RNGTT: variants seen among roughly 807,000 people sequenced by gnomAD.
RNGTT encodes mRNA-capping enzyme.
RNGTT carries 33 observed loss-of-function variants against 79.3 expected under a neutral mutation model. The observed-to-expected ratio is 0.42, with a 90% confidence interval of 0.32 to 0.56. The LOEUF (loss-of-function observed/expected upper bound fraction) is 0.56, where lower values mean the gene tolerates loss of function less well. Among genes scored for constraint, RNGTT ranks in the 20% least tolerant of loss-of-function variants. The pLI, the probability that RNGTT is intolerant of heterozygous loss-of-function variation, is 0.17. For synonymous variants in RNGTT, 222 were observed against 235.9 expected (o/e 0.94, Z 0.54); for missense variants, 497 against 739.1 (o/e 0.67, Z 3.80).
At position 88,656,780 on chromosome 6, in the gene RNGTT, A is replaced by T. The variant is rs1389213568; in HGVS notation, c.1506+21573T>A. ...GACTTACTGAAGATGTTAAGAGATTAAAAAAAAAAAAAAAGTAAGTTGAGG... is the reference window on the plus strand; with the variant it reads ...GACTTACTGAAGATGTTAAGAGATTTAAAAAAAAAAAAAAGTAAGTTGAGG... On this transcript the variant is annotated intron_variant, in intron 14 of 15. Transcript: ENST00000369485. Among the ~76,000 whole-genome samples the T allele has an allele frequency of 6.9e-5, 9 of 130,210 alleles. No individual in the cohort carries two copies. In the East Asian group the frequency reaches 1.8e-3, roughly 26 times the overall value. The allele number at this position is 130,210 out of a possible 152,430, so 85.4% of individuals were successfully genotyped here.
chr6:88,645,549 A>G (rs1306598128), intron 14 of RNGTT, among the ~76,000 whole-genome samples: 1 of 152,254 alleles, frequency 6.6e-6, no homozygotes, highest in Non-Finnish European at 1.5e-5. Context: ...TTGTCAAGAC[A>G]ATCCTCAGCC....
At chr6:88,621,680 T>C (rs978099087) in intron 14 of RNGTT, among the ~76,000 whole-genome samples, 1 of 151,982 alleles carries the variant, frequency 6.6e-6, no homozygotes, top group Non-Finnish European at 1.5e-5. Context: ...AAATAAAAAG[T>C]ATGCGAGGCC....
intron 13 of RNGTT, among the ~76,000 whole-genome samples, chr6:88,711,008 T>C (rs1379600308): frequency 4.6e-5 from 7 of 152,196 alleles, no homozygotes; most frequent in Non-Finnish European, 1.0e-4. Context: ...GTTTCCTTCA[T>C]TTCTAATTTC....
intron 13 of RNGTT, among the ~76,000 whole-genome samples, chr6:88,687,505 A>G (rs1410110821): frequency 6.6e-6 from 1 of 152,226 alleles, no homozygotes; most frequent in Non-Finnish European, 1.5e-5. Context: ...TTGCAGTTGC[A>G]AAATGTTAAG....
chr6:88,705,622 C>G (rs555429541), intron 13 of RNGTT, among the ~76,000 whole-genome samples: 2 of 152,186 alleles, frequency 1.3e-5, no homozygotes, highest in Admixed American at 6.5e-5. Flanking sequence ...GAAAAAGAAA[C>G]CAGAGGTATT....
intron 12 of RNGTT, among the ~76,000 whole-genome samples, chr6:88,785,000 T>C (rs1362570257): frequency 6.6e-6 from 1 of 152,106 alleles, no homozygotes; most frequent in African/African-American, 2.4e-5. Context: ...TTTAAATACA[T>C]GTTAAAATTT....
chr6:88,714,784 C>T (rs1438217729), intron 13 of RNGTT, among the ~76,000 whole-genome samples: 1 of 152,070 alleles, frequency 6.6e-6, no homozygotes, highest in Non-Finnish European at 1.5e-5. Context: ...GTAAACTGAA[C>T]ACTCCAATTG....
chr6:88,712,012 A>G (rs1776335820), intron 13 of RNGTT, among the ~76,000 whole-genome samples: 1 of 152,214 alleles, frequency 6.6e-6, no homozygotes, highest in Admixed American at 6.5e-5. Flanking sequence ...TGAATCTATA[A>G]TTTGATAGTC....
At chr6:88,727,883 G>T (rs1250657592) in intron 13 of RNGTT, among the ~76,000 whole-genome samples, 1 of 152,150 alleles carries the variant, frequency 6.6e-6, no homozygotes, top group Non-Finnish European at 1.5e-5. Flanking sequence ...TTTTAGCAGA[G>T]GTACCACCCC....
intron 13 of RNGTT, among the ~76,000 whole-genome samples, chr6:88,726,089 T>C: frequency 6.6e-6 from 1 of 152,132 alleles, no homozygotes. Context: ...ATCCTATTCC[T>C]TTAAAAGCCA....
At chr6:88,938,375 G>A (rs1197505948) in intron 2 of RNGTT, among the ~76,000 whole-genome samples, 2 of 152,054 alleles carry the variant, frequency 1.3e-5, no homozygotes, top group Admixed American at 1.3e-4. Context: ...GTTTCCATGT[G>A]CATGGAACAC....
chr6:88,830,394 A>G (rs1201222644), intron 11 of RNGTT, among the ~76,000 whole-genome samples: 3 of 152,208 alleles, frequency 2.0e-5, no homozygotes, highest in Non-Finnish European at 4.4e-5. Context: ...CAAAGACACA[A>G]CGTACCAGAA....
At chr6:88,645,079 G>A (rs1347120733) in intron 14 of RNGTT, among the ~76,000 whole-genome samples, 1 of 152,180 alleles carries the variant, frequency 6.6e-6, no homozygotes, top group Non-Finnish European at 1.5e-5. Context: ...GTTTGCAGAT[G>A]ACATGATTGT....
At chr6:88,881,840 C>G (rs1782702904) in intron 8 of RNGTT, among the ~76,000 whole-genome samples, 2 of 152,328 alleles carry the variant, frequency 1.3e-5, no homozygotes, top group South Asian at 4.1e-4. Flanking sequence ...CTACTCTATA[C>G]TATACAAAAA....
chr6:88,958,665 C>T (rs1477726452), intron 1 of RNGTT, among the ~76,000 whole-genome samples: 2 of 152,132 alleles, frequency 1.3e-5, no homozygotes, highest in African/African-American at 2.4e-5. Context: ...TGAGATACCA[C>T]CTTACTCCTG....
intron 13 of RNGTT, among the ~76,000 whole-genome samples, chr6:88,740,786 C>T (rs746595638): frequency 1.2e-4 from 19 of 152,024 alleles, no homozygotes; most frequent in Non-Finnish European, 2.1e-4. Context: ...GGGGAGGGAA[C>T]GTAGGCAAGG....
chr6:88,914,595 A>G (rs142831716), intron 4 of RNGTT, among the ~76,000 whole-genome samples: 3 of 152,156 alleles, frequency 2.0e-5, no homozygotes, highest in Admixed American at 2.0e-4. Flanking sequence ...ATGCAGAAGA[A>G]TTAAACTGGA....
Position 88,672,256 on chromosome 6 carries a change from T to C in RNGTT, c.1506+6097A>G, listed in dbSNP as rs867527175. Among the ~76,000 whole-genome samples the C allele has an allele frequency of 9.1e-5, 13 of 143,416 alleles. No homozygotes were observed. In the Middle Eastern group the frequency reaches 0.01, roughly 115 times the overall value. 94.1% of individuals were successfully genotyped at this position (143,416 alleles called of 152,430 possible). A position where few individuals can be genotyped will look rare whatever the true frequency, so the allele number is the denominator to read the frequency against. ...ATATATATACACACACACACATATA[T>C]ACACACACATATATATAAATGTATA... On this transcript the variant is annotated intron_variant, in intron 14 of 15. Coordinates refer to ENST00000369485, the MANE Select transcript of RNGTT (RefSeq NM_003800.5).
At chr6:88,759,059 A>G (rs535138661) in intron 13 of RNGTT, among the ~76,000 whole-genome samples, 1 of 152,324 alleles carries the variant, frequency 6.6e-6, no homozygotes, top group Non-Finnish European at 1.5e-5. Context: ...AGGACTCAGA[A>G]CATTTACCAA....
Sources: gnomAD v4.1 joint callset for allele counts (sites outside exome capture counted in the v4.1 genomes callset) on GRCh38, gnomAD v4.1.1 for gene constraint, MANE v1.5 for transcripts, NCBI Gene and HGNC (gene_info 2026-07-23, HGNC 2026-07-21) for gene names.